TFEC: variants seen among roughly 807,000 people sequenced by gnomAD.
The protein encoded by TFEC is transcription factor EC.
TFEC carries 31 observed loss-of-function variants against 41.6 expected under a neutral mutation model. The ratio of observed to expected loss-of-function variants is 0.74; its 90% CI spans 0.56 to 1.01. The LOEUF is 1.01. Ranked by LOEUF, TFEC falls within the 50% of genes least tolerant of loss-of-function variation. The probability of loss-of-function intolerance (pLI) is 0.00; values close to 1 mark genes in which losing one functional copy is unlikely to be tolerated. For missense variants in TFEC, 402 were observed against 404.1 expected (o/e 0.99, Z 0.04); for synonymous variants, 143 against 140.6 (o/e 1.02, Z -0.12).
At chr7:116,139,801 C>A (rs554812878) in intron 1 of TFEC, among the ~76,000 whole-genome samples, 1 of 152,112 alleles carries the variant, frequency 6.6e-6, no homozygotes, top group East Asian at 1.9e-4. Flanking sequence ...AAAGGAGAGA[C>A]CAGAAGATAA....
rs566434237 is a variant in TFEC, at chr7:116,022,806, G to C, written c.-73+7827C>G. ...AAAAGCAGCACTAAAAAGCATAAAG[G>C]CTAAAGTTGCCAGGTTACCATTCTA... On this transcript the variant is annotated intron_variant, in intron 1 of 7. Transcript: ENST00000265440. 1.1e-4 allele frequency among the ~76,000 whole-genome samples: 17 copies of C among 152,166 alleles called. No homozygotes were observed. The South Asian group carries it at 3.5e-3, about 32-fold the overall frequency.
In TFEC at chr7:116,064,381, T is replaced by A. The variant is rs1384555294; in HGVS notation, c.198+46327A>T. 3.3e-5 allele frequency among the ~76,000 whole-genome samples: 5 copies of A among 150,742 alleles called. No homozygotes were observed. In the East Asian group the frequency reaches 7.7e-4, roughly 23 times the overall value. ...ATTTTTATTTGTCAATAAAATAAAATAAAAAATTAATTATTTTTAAAAATA... is the reference window on the plus strand; with the variant it reads ...ATTTTTATTTGTCAATAAAATAAAAAAAAAAATTAATTATTTTTAAAAATA... On this transcript the variant is annotated intron_variant, in intron 3 of 8. Transcript: ENST00000484212.
chr7:116,062,446 TATG>T (rs1796585986), intron 3 of TFEC, among the ~76,000 whole-genome samples: 1 of 149,508 alleles, frequency 6.7e-6, no homozygotes, highest in Non-Finnish European at 1.5e-5. Context: ...AGTGAGAAAA[TATG>T]ATGTTTGGTA....
chr7:116,096,335 A>C (rs751561067), intron 3 of TFEC, among the ~76,000 whole-genome samples: 1 of 152,230 alleles, frequency 6.6e-6, no homozygotes, highest in Non-Finnish European at 1.5e-5. Flanking sequence ...CTTGTCAAAT[A>C]GTCTCATATT....
chr7:116,050,315 C>T (rs1796277143), intron 3 of TFEC, among the ~76,000 whole-genome samples: 1 of 152,098 alleles, frequency 6.6e-6, no homozygotes, highest in African/African-American at 2.4e-5. Context: ...CCACTGATCC[C>T]ACAGAAATAC....
At chr7:116,090,204 T>C (rs898420317) in intron 3 of TFEC, among the ~76,000 whole-genome samples, 12 of 152,094 alleles carry the variant, frequency 7.9e-5, no homozygotes, top group African/African-American at 2.7e-4. Flanking sequence ...TGCATAGGAG[T>C]GTGACCTTTG....
chr7:116,117,947 T>C (rs1337704319), intron 1 of TFEC, among the ~76,000 whole-genome samples: 1 of 151,814 alleles, frequency 6.6e-6, no homozygotes, highest in African/African-American at 2.4e-5. Context: ...CTCGTATACA[T>C]TGTGGACACC....
intron 3 of TFEC, among the ~76,000 whole-genome samples, chr7:115,958,246 A>G (rs921215106): frequency 6.6e-6 from 1 of 151,912 alleles, no homozygotes; most frequent in African/African-American, 2.4e-5. Context: ...AATGTGTGTT[A>G]GTATCAAATA....
intron 3 of TFEC, among the ~76,000 whole-genome samples, chr7:116,058,120 C>A (rs1374917700): frequency 2.6e-5 from 4 of 151,724 alleles, no homozygotes; most frequent in African/African-American, 9.7e-5. Flanking sequence ...TAAGACCTAA[C>A]TATATGCTTT....
chr7:116,142,788 C>G (rs1798567087), intron 1 of TFEC, among the ~76,000 whole-genome samples: 1 of 152,130 alleles, frequency 6.6e-6, no homozygotes, highest in South Asian at 2.1e-4. Flanking sequence ...CATTCTTACC[C>G]TTGGATTTCC....
rs1797173774 is a variant in TFEC, at chr7:116,085,118, G to T, written c.198+25590C>A. On this transcript the variant is annotated intron_variant, in intron 3 of 8. Coordinates refer to the TFEC transcript ENST00000484212. The stretch of plus-strand genomic sequence containing the variant: ...GAGCAGGGCAGAAGGAACAGCATAT[G>T]CAAAGTCTTATTAGAAGTAAGCTTG... Among the ~76,000 whole-genome samples the T allele has an allele frequency of 2.0e-5, 3 of 151,996 alleles. No individual in the cohort carries two copies. The South Asian group carries it at 6.2e-4, about 31-fold the overall frequency.
chr7:116,107,974 G>T (rs1797759181), intron 3 of TFEC, among the ~76,000 whole-genome samples: 1 of 152,078 alleles, frequency 6.6e-6, no homozygotes, highest in Non-Finnish European at 1.5e-5. Context: ...AAAATATATT[G>T]TTTTATCATG....
intron 1 of TFEC, among the ~76,000 whole-genome samples, chr7:116,159,337 AGAT>A (rs1798929315): frequency 6.6e-6 from 1 of 151,968 alleles, no homozygotes; most frequent in South Asian, 2.1e-4. Flanking sequence ...TGTTTTTCTG[AGAT>A]GATTAATCGA....
rs753195418 is a variant in TFEC, at chr7:115,942,037, A to G, written c.519T>C (p.Asp173=). 9 of 1,611,670 alleles carry G rather than the reference A, an allele frequency of 5.6e-6. No homozygotes were observed. Among genetic ancestry groups the G allele is most frequent in the African/African-American group, 1.3e-5 (1 of 74,892 alleles). The change falls in exon 7 of 8, where the codon GAT becomes GAC. Residue 173 remains aspartate (D), a synonymous_variant. Coordinates refer to ENST00000265440, the MANE Select transcript of TFEC (RefSeq NM_012252.4). ...GAATGGTTCCTTTGTTCCAGCGCATATCACTGTAGAATGGAGAGATAACCT... is the reference window on the plus strand; with the variant it reads ...GAATGGTTCCTTTGTTCCAGCGCATGTCACTGTAGAATGGAGAGATAACCT... The part of the protein sequence containing the change: ...GTLIPKSNDP[D]MRWNKGTILK...
chr7:116,050,369 A>G (rs2130952797), intron 3 of TFEC, among the ~76,000 whole-genome samples: 1 of 152,374 alleles, frequency 6.6e-6, no homozygotes, highest in East Asian at 1.9e-4. Context: ...ATGCAAATGA[A>G]CTAGAGAATC....
intron 1 of TFEC, among the ~76,000 whole-genome samples, chr7:116,144,044 G>A (rs543338272): frequency 1.1e-4 from 16 of 151,760 alleles, no homozygotes; most frequent in Admixed American, 2.6e-4. Context: ...ATGGTGAAAC[G>A]CTGTCTCTAC....
At chr7:116,095,796 CT>C (rs1422842443) in intron 3 of TFEC, among the ~76,000 whole-genome samples, 2 of 151,964 alleles carry the variant, frequency 1.3e-5, no homozygotes, top group African/African-American at 2.4e-5. Flanking sequence ...TTGAATATCT[CT>C]TGCTTTGCCC....
intron 1 of TFEC, among the ~76,000 whole-genome samples, chr7:116,113,245 G>A (rs935481524): frequency 1.6e-4 from 24 of 151,844 alleles, no homozygotes; most frequent in African/African-American, 2.4e-5. Context: ...ATGTAATTAA[G>A]GTACACATTA....
At chr7:115,985,015 G>A (rs926624715) in intron 1 of TFEC, among the ~76,000 whole-genome samples, 1 of 148,340 alleles carries the variant, frequency 6.7e-6, no homozygotes, top group Admixed American at 6.9e-5. Flanking sequence ...AAACTGTATG[G>A]GTAGTGAAAA....
Sources: allele counts gnomAD v4.1 joint callset (sites outside exome capture counted in the v4.1 genomes callset), GRCh38; gene constraint gnomAD v4.1.1; transcripts MANE v1.5; gene names NCBI Gene and HGNC (gene_info 2026-07-23, HGNC 2026-07-21).